CCSER1: variants seen among roughly 807,000 people sequenced by gnomAD.
The protein encoded by CCSER1 is serine-rich coiled-coil domain-containing protein 1.
Under a neutral mutation model 82.0 loss-of-function variants are expected in CCSER1, and 41 were observed. The observed-to-expected ratio is 0.50, with a 90% confidence interval of 0.39 to 0.65. The LOEUF is 0.65. Ranked by LOEUF, CCSER1 falls within the 30% of genes least tolerant of loss-of-function variation. The pLI is 0.00. For synonymous variants in CCSER1, 414 were observed against 383.9 expected, an observed-to-expected ratio of 1.08 and a Z score of -0.92; for missense variants, 1,119 against 1,064.2, an observed-to-expected ratio of 1.05 and a Z score of -0.72.
chr4:90,799,232 G>T (rs970673849), intron 7 of CCSER1, among the ~76,000 whole-genome samples: 3 of 152,174 alleles, frequency 2.0e-5, no homozygotes, highest in African/African-American at 7.2e-5. Context: ...TACGAGGGAG[G>T]ATCTGCTGTT....
intron 1 of CCSER1, among the ~76,000 whole-genome samples, chr4:90,246,111 T>C (rs981541651): frequency 2.0e-5 from 3 of 152,210 alleles, no homozygotes; most frequent in Non-Finnish European, 4.4e-5. Context: ...ATTTCAAAGA[T>C]AATGTAGTCT....
At chr4:91,080,721 A>AG (rs1722613653) in intron 9 of CCSER1, among the ~76,000 whole-genome samples, 1 of 152,214 alleles carries the variant, frequency 6.6e-6, no homozygotes, top group Non-Finnish European at 1.5e-5. Context: ...ACAATAAAAA[A>AG]TGATAAAGGG....
intron 10 of CCSER1, among the ~76,000 whole-genome samples, chr4:91,387,542 T>C (rs1751373696): frequency 6.6e-6 from 1 of 152,064 alleles, no homozygotes; most frequent in South Asian, 2.1e-4. Context: ...AAGCCATATA[T>C]ATTAAATGCT....
At chr4:90,423,148 G>A (rs866056233) in intron 4 of CCSER1, among the ~76,000 whole-genome samples, 1 of 151,922 alleles carries the variant, frequency 6.6e-6, no homozygotes, top group African/African-American at 2.4e-5. Flanking sequence ...ATTATTTGGT[G>A]TAAATAATGA....
chr4:90,917,402 A>G (rs1727639235), intron 8 of CCSER1, among the ~76,000 whole-genome samples: 1 of 152,280 alleles, frequency 6.6e-6, no homozygotes, highest in African/African-American at 2.4e-5. Context: ...TTCTCAGCAA[A>G]CTATTGCAAG....
chr4:91,054,199 C>T (rs889453376), intron 9 of CCSER1, among the ~76,000 whole-genome samples: 6 of 152,124 alleles, frequency 3.9e-5, no homozygotes, highest in Admixed American at 1.3e-4. Flanking sequence ...TGGAGCTGTC[C>T]GCAATCACAG....
intron 10 of CCSER1, among the ~76,000 whole-genome samples, chr4:91,310,957 C>T (rs1439304371): frequency 6.6e-6 from 1 of 151,850 alleles, no homozygotes; most frequent in Non-Finnish European, 1.5e-5. Context: ...TTGGATTCCC[C>T]TGGTCTAATC....
At chr4:90,491,097 T>C (rs376600309) in intron 5 of CCSER1, among the ~76,000 whole-genome samples, 34 of 152,282 alleles carry the variant, frequency 2.2e-4, no homozygotes, top group East Asian at 1.5e-3. Context: ...ATTGAAACTA[T>C]AAATTACCTT....
intron 9 of CCSER1, among the ~76,000 whole-genome samples, chr4:91,052,709 T>C (rs1743111755): frequency 6.6e-6 from 1 of 152,184 alleles, no homozygotes; most frequent in Non-Finnish European, 1.5e-5. Context: ...GATCAATAAC[T>C]AATATCATAC....
At chr4:91,172,891 T>C (rs1208389897) in intron 10 of CCSER1, among the ~76,000 whole-genome samples, 1 of 152,194 alleles carries the variant, frequency 6.6e-6, no homozygotes, top group Non-Finnish European at 1.5e-5. Context: ...AACATACTGA[T>C]ATCTAAAAAT....
intron 10 of CCSER1, among the ~76,000 whole-genome samples, chr4:91,127,744 G>A (rs1727639480): frequency 1.3e-5 from 2 of 151,998 alleles, no homozygotes; most frequent in Non-Finnish European, 2.9e-5. Flanking sequence ...AACCAAGAAT[G>A]TACTGACTGG....
intron 10 of CCSER1, among the ~76,000 whole-genome samples, chr4:91,220,093 C>T (rs1386518865): frequency 6.6e-6 from 1 of 152,108 alleles, no homozygotes; most frequent in Admixed American, 6.6e-5. Flanking sequence ...TTGGGAAGAG[C>T]ATAGGGTTTA....
At chr4:90,380,167 A>G (rs1748994173) in intron 3 of CCSER1, among the ~76,000 whole-genome samples, 2 of 152,156 alleles carry the variant, frequency 1.3e-5, no homozygotes, top group Non-Finnish European at 2.9e-5. Flanking sequence ...AGATCTTCTC[A>G]GGGTTATAAT....
At chr4:90,856,028 T>A (rs911743633) in intron 8 of CCSER1, among the ~76,000 whole-genome samples, 1 of 152,152 alleles carries the variant, frequency 6.6e-6, no homozygotes, top group African/African-American at 2.4e-5. Flanking sequence ...TGTCAATATA[T>A]TTATAGCACT....
At chr4:90,352,109 G>T (rs1272543364) in intron 3 of CCSER1, among the ~76,000 whole-genome samples, 1 of 152,138 alleles carries the variant, frequency 6.6e-6, no homozygotes, top group Non-Finnish European at 1.5e-5. Context: ...CGGATCACAA[G>T]GTCAGGAGAT....
At chr4:90,200,451 C>CA (rs1737472042) in intron 1 of CCSER1, among the ~76,000 whole-genome samples, 1 of 151,542 alleles carries the variant, frequency 6.6e-6, no homozygotes, top group African/African-American at 2.4e-5. Flanking sequence ...ATTTTTTCAG[C>CA]TAAAAAAAAA....
chr4:90,799,641 A>G (rs2149694245), intron 7 of CCSER1, among the ~76,000 whole-genome samples: 1 of 152,252 alleles, frequency 6.6e-6, no homozygotes, highest in African/African-American at 2.4e-5. Flanking sequence ...CAGGCCCCAT[A>G]TGATGGGCAA....
At chr4:90,372,825 A>C (rs1245095915) in intron 3 of CCSER1, among the ~76,000 whole-genome samples, 1 of 152,044 alleles carries the variant, frequency 6.6e-6, no homozygotes, top group East Asian at 1.9e-4. Flanking sequence ...ATAGCCTGGG[A>C]ATCAATCTCT....
intron 5 of CCSER1, among the ~76,000 whole-genome samples, chr4:90,487,409 TGACA>T (rs1374829664): frequency 4.6e-5 from 7 of 152,236 alleles, no homozygotes; most frequent in Admixed American, 4.6e-4. Flanking sequence ...TGCACTTCCC[TGACA>T]ATTTTAATGT....
Sources: gnomAD v4.1 joint callset for allele counts (sites outside exome capture counted in the v4.1 genomes callset) on GRCh38, gnomAD v4.1.1 for gene constraint, MANE v1.5 for transcripts, NCBI Gene and HGNC (gene_info 2026-07-23, HGNC 2026-07-21) for gene names.